The following LRP6 variants were observed in gnomAD, a reference collection of about 807,000 sequenced individuals.
LRP6 encodes the protein LDL receptor related protein 6.
A neutral mutation model predicts 184.1 loss-of-function variants in LRP6; 43 were observed. The ratio of observed to expected loss-of-function variants is 0.23; its 90% CI spans 0.18 to 0.30. LRP6 has a LOEUF of 0.30. LRP6 is among the 10% of genes least tolerant of loss of function. The pLI, the probability that LRP6 is intolerant of heterozygous loss-of-function variation, is 1.00. For synonymous variants in LRP6, 719 were observed against 684.9 expected (o/e 1.05, Z -0.78); for missense variants, 1,571 against 2,005.3 (o/e 0.78, Z 4.14).
intron 12 of LRP6, among the ~76,000 whole-genome samples, chr12:12,158,404 C>T (rs187143270): frequency 1.3e-3 from 194 of 152,240 alleles, no homozygotes; most frequent in African/African-American, 4.6e-3. Context: ...TAGCTCACTG[C>T]AGCCTCAATC....
chr12:12,153,789 G>A (rs1950113398), intron 12 of LRP6, among the ~76,000 whole-genome samples: 1 of 152,168 alleles, frequency 6.6e-6, no homozygotes, highest in African/African-American at 2.4e-5. Context: ...TTCCCACAAT[G>A]GAGACATCAG....
intron 2 of LRP6, among the ~76,000 whole-genome samples, chr12:12,209,213 T>C (rs1451562989): frequency 1.3e-5 from 2 of 152,258 alleles, no homozygotes; most frequent in East Asian, 1.9e-4. Context: ...GTCTTTCTTG[T>C]ACAATATAAT....
At chr12:12,170,107 G>T (rs764057902) in intron 7 of LRP6, among the ~76,000 whole-genome samples, 1 of 152,142 alleles carries the variant, frequency 6.6e-6, no homozygotes, top group African/African-American at 2.4e-5. Flanking sequence ...GTCCAAGGCG[G>T]GTGGATCACT....
At chr12:12,160,147 T>G (rs937248150) in intron 10 of LRP6, among the ~76,000 whole-genome samples, 183 bp from the exon 11 acceptor site, 1 of 152,202 alleles carries the variant, frequency 6.6e-6, no homozygotes, top group African/African-American at 2.4e-5. Flanking sequence ...AAATATTTTT[T>G]TCCATATCCC....
At chr12:12,259,337 G>A (rs1181656477) in intron 1 of LRP6, among the ~76,000 whole-genome samples, 1 of 151,356 alleles carries the variant, frequency 6.6e-6, no homozygotes, top group Non-Finnish European at 1.5e-5. Flanking sequence ...CTTTAGGCCT[G>A]GTGTTAATAA....
chr12:12,249,468 A>T, intron 1 of LRP6: 1 of 684,516 alleles, frequency 1.5e-6, no homozygotes, highest in Non-Finnish European at 2.6e-6. Context: ...TACAGCAATT[A>T]ATCGAAAAGA....
intron 2 of LRP6, 44 bp from the exon 3 acceptor site, chr12:12,203,444 C>G: frequency 7.0e-7 from 1 of 1,426,322 alleles, no homozygotes; most frequent in Non-Finnish European, 9.9e-7. Flanking sequence ...GAGCAGATAT[C>G]AATCAAATAC....
chr12:12,183,830 A>T (rs1178698579), intron 5 of LRP6, 150 bp downstream of exon 5: 4 of 655,286 alleles, frequency 6.1e-6, no homozygotes, highest in Non-Finnish European at 1.1e-5. Flanking sequence ...AGAACAAAAC[A>T]CTCCTATTCT....
At chr12:12,147,753 C>A (rs1029499797) in intron 14 of LRP6, among the ~76,000 whole-genome samples, 197 bp from the exon 15 acceptor site, 8 of 152,034 alleles carry the variant, frequency 5.3e-5, no homozygotes, top group African/African-American at 1.9e-4. Context: ...GGGGGTATTG[C>A]TTAAGCTTAT....
intron 22 of LRP6, among the ~76,000 whole-genome samples, chr12:12,121,961 A>G (rs1190116218): frequency 6.6e-6 from 1 of 152,172 alleles, no homozygotes; most frequent in African/African-American, 2.4e-5. Flanking sequence ...GGGCATAACT[A>G]TTCCATTGTT....
chr12:12,217,670 A>G (rs1444582660), intron 2 of LRP6, among the ~76,000 whole-genome samples: 3 of 152,188 alleles, frequency 2.0e-5, no homozygotes, highest in Non-Finnish European at 4.4e-5. Flanking sequence ...ACAGTGTGAT[A>G]CTAGCATAAG....
Position 12,203,337 on chromosome 12 carries a change from T to C in LRP6, c.513A>G (p.Ser171=). 1 of 1,614,122 alleles carries C rather than the reference T, an allele frequency of 6.2e-7. No individual in the cohort carries two copies. The change falls in exon 3 of 23, where the codon TCA becomes TCG. Residue 171 remains serine (S), a synonymous_variant. Coordinates refer to ENST00000261349, the MANE Select transcript of LRP6 (RefSeq NM_002336.3). ...PKIERAGMDG[S]SRFIIINSEI... is the part of the protein sequence containing the mutation. ...CACTGTTTATTATAATGAAGCGACT[T>C]GAACCATCCATTCCAGCACGTTCTA...
intron 7 of LRP6, among the ~76,000 whole-genome samples, chr12:12,179,194 T>C (rs1863269283): frequency 6.6e-6 from 1 of 152,216 alleles, no homozygotes; most frequent in Non-Finnish European, 1.5e-5. Context: ...ATCTATTTGA[T>C]TGCCACAAAC....
chr12:12,169,589 TAAC>T (rs1242939354), intron 7 of LRP6, among the ~76,000 whole-genome samples: 1 of 152,092 alleles, frequency 6.6e-6, no homozygotes, highest in Non-Finnish European at 1.5e-5. Context: ...ATCAAAGTAT[TAAC>T]AAGCTCAACA....
intron 1 of LRP6, among the ~76,000 whole-genome samples, chr12:12,252,184 T>A (rs756755260): frequency 3.9e-5 from 6 of 152,110 alleles, no homozygotes; most frequent in African/African-American, 7.2e-5. Flanking sequence ...CGCACTGAAC[T>A]AAAATCTTTT....
chr12:12,163,053 G>A (rs1862778764), intron 9 of LRP6, among the ~76,000 whole-genome samples: 1 of 152,082 alleles, frequency 6.6e-6, no homozygotes, highest in African/African-American at 2.4e-5. Flanking sequence ...TCGGCTCACT[G>A]CAACTTCTGC....
intron 2 of LRP6, among the ~76,000 whole-genome samples, chr12:12,204,726 C>T (rs1165798776): frequency 6.6e-6 from 1 of 151,124 alleles, no homozygotes; most frequent in African/African-American, 2.4e-5. Flanking sequence ...GAGGCTGAGG[C>T]AGGCGGATCA....
chr12:12,165,319 A>T (rs762916932), intron 7 of LRP6, 24 bp from the exon 8 acceptor site: 1 of 1,497,114 alleles, frequency 6.7e-7, no homozygotes, highest in South Asian at 1.1e-5. Flanking sequence ...TTCAAAAGAG[A>T]AGGGGATGAA....
chr12:12,143,307 A>C (rs751639557), intron 15 of LRP6, among the ~76,000 whole-genome samples: 1 of 152,170 alleles, frequency 6.6e-6, no homozygotes, highest in Non-Finnish European at 1.5e-5. Flanking sequence ...ATGGTTTAGA[A>C]GATTAATATT....
Sources: gnomAD v4.1 joint callset for allele counts (sites outside exome capture counted in the v4.1 genomes callset) on GRCh38, gnomAD v4.1.1 for gene constraint, MANE v1.5 for transcripts, NCBI Gene and HGNC (gene_info 2026-07-23, HGNC 2026-07-21) for gene names.